The following BCCIP variants were observed in gnomAD, a reference collection of about 807,000 sequenced individuals.
The protein encoded by BCCIP is BRCA2 and CDKN1A-interacting protein.
In BCCIP, 23 loss-of-function variants were observed where a neutral mutation model predicts 32.8. That is an observed-to-expected ratio of 0.70 (90% confidence interval 0.51 to 0.99). The LOEUF is 0.99. BCCIP is among the 50% of genes least tolerant of loss of function. BCCIP has a pLI of 0.00. For missense variants in BCCIP, 378 were observed against 379.8 expected, an observed-to-expected ratio of 1.00 and a Z score of 0.04; for synonymous variants, 144 against 137.6, an observed-to-expected ratio of 1.05 and a Z score of -0.33.
intron 5 of BCCIP, among the ~76,000 whole-genome samples, chr10:125,833,516 ATC>A (rs1403803989): frequency 3.9e-5 from 6 of 152,334 alleles, no homozygotes; most frequent in Admixed American, 2.6e-4. Flanking sequence ...GACTCATCTG[ATC>A]TGTTAGTTGC....
chr10:125,834,439 A>G (rs574169376), intron 6 of BCCIP, among the ~76,000 whole-genome samples: 3 of 152,052 alleles, frequency 2.0e-5, no homozygotes, highest in Admixed American at 6.5e-5. Context: ...TTTTTTTCCT[A>G]TAAAGGTAGC....
intron 7 of BCCIP, among the ~76,000 whole-genome samples, chr10:125,849,938 A>G (rs1944068708): frequency 1.3e-5 from 2 of 152,022 alleles, no homozygotes; most frequent in Admixed American, 6.6e-5. Flanking sequence ...AAAGATCTGC[A>G]CCATCACAAC....
Position 125,833,954 on chromosome 10 carries a change from T to C in BCCIP, c.774+8T>C. On this transcript the variant is annotated splice_region_variant and intron_variant, in intron 6 of 6. Coordinates refer to ENST00000278100, the MANE Select transcript of BCCIP (RefSeq NM_078468.3). ...GAAGAATTTTTCTATGAGGTAAGAC[T>C]ATCCTGCTTATTTGTTTAGATGTAA... The C allele has an allele frequency of 6.2e-7, 1 of 1,612,194 alleles. No individual in the cohort carries two copies. The highest frequency in any genetic ancestry group is 1.3e-5 in the African/African-American group (1 of 74,898).
chr10:125,840,835 G>A (rs376643295), downstream of BCCIP: 15 of 1,562,652 alleles, frequency 9.6e-6, no homozygotes, highest in Non-Finnish European at 7.0e-6. Flanking sequence ...TAGTTTCTGA[G>A]CATTCACTTA....
At chr10:125,827,802 T>G (rs1854433478) in intron 3 of BCCIP, among the ~76,000 whole-genome samples, 164 bp downstream of exon 3, 1 of 151,896 alleles carries the variant, frequency 6.6e-6, no homozygotes, top group African/African-American at 2.4e-5. Context: ...ATACTCTGTC[T>G]CTACAAAAAA....
At chr10:125,832,204 A>ATT (rs538971759) in intron 5 of BCCIP, among the ~76,000 whole-genome samples, 6 of 145,060 alleles carry the variant, frequency 4.1e-5, no homozygotes, top group African/African-American at 7.5e-5. Context: ...TCTAATTTAA[A>ATT]TTTTTTTTTT....
At chr10:125,842,099 T>C in exon 7 of BCCIP, 1 of 932,536 alleles carries the variant, frequency 1.1e-6, no homozygotes, top group Non-Finnish European at 1.5e-6. Flanking sequence ...TAGTGATTCT[T>C]GAGAGGGCAA....
chr10:125,827,748 T>C, intron 3 of BCCIP, 110 bp downstream of exon 3: 1 of 772,806 alleles, frequency 1.3e-6, no homozygotes, highest in Non-Finnish European at 2.2e-6. Context: ...GGTGGGAGGA[T>C]TGCTTGAGGC....
chr10:125,852,374 C>A lies in BCCIP; in HGVS notation c.851-751C>A, dbSNP rs1246996311. 6.2e-7 allele frequency: 1 copy of A among 1,614,212 alleles called. No homozygotes were observed. The highest frequency in any genetic ancestry group is 1.7e-5 in the Admixed American group (1 of 60,024). Reference sequence around the variant, plus strand: ...AAAAGCACCATGCTTGTTAGGTTGGCTTCCTGCATTTCTGCTGGCTTCAGT... The same window carrying A: ...AAAAGCACCATGCTTGTTAGGTTGGATTCCTGCATTTCTGCTGGCTTCAGT... On this transcript the variant is annotated intron_variant, in intron 7 of 7. Coordinates refer to the BCCIP transcript ENST00000368759.
chr10:125,836,584 T>C, downstream of BCCIP: 2 of 1,442,936 alleles, frequency 1.4e-6, no homozygotes, highest in East Asian at 2.3e-5. Flanking sequence ...AAGACCGTCC[T>C]GTGGATGTGA....
chr10:125,825,666 T>A (rs1854373794), intron 1 of BCCIP: 1 of 152,238 alleles, frequency 6.6e-6, no homozygotes, highest in African/African-American at 2.4e-5. Flanking sequence ...TCCTCTGCGA[T>A]GTTCTTCAGC....
chr10:125,838,520 C>T (rs998407869), downstream of BCCIP: 1 of 845,722 alleles, frequency 1.2e-6, no homozygotes, highest in Non-Finnish European at 1.7e-6. Flanking sequence ...CTCATGTTTC[C>T]TACTTTCACA....
downstream of BCCIP, chr10:125,839,293 A>G: frequency 8.5e-7 from 1 of 1,177,916 alleles, no homozygotes; most frequent in Non-Finnish European, 1.2e-6. Flanking sequence ...CTCCTCTCCT[A>G]CAAAGGAGGC....
At chr10:125,837,650 CT>C (rs1854737485), downstream of BCCIP, among the ~76,000 whole-genome samples, 1 of 152,176 alleles carries the variant, frequency 6.6e-6, no homozygotes, top group African/African-American at 2.4e-5. Flanking sequence ...GTCTTGAACT[CT>C]TGGGCTCAAG....
downstream of BCCIP, chr10:125,840,955 C>A (rs78840782): frequency 5.6e-6 from 9 of 1,611,766 alleles, no homozygotes; most frequent in African/African-American, 9.3e-5. Flanking sequence ...GTCAAGGCAG[C>A]CTCTTCAGCT....
chr10:125,831,693 A>G, intron 5 of BCCIP, 86 bp downstream of exon 5: 1 of 1,330,848 alleles, frequency 7.5e-7, no homozygotes, highest in African/African-American at 1.5e-5. Context: ...ATATGTAGAT[A>G]TAGAAAGAGT....
chr10:125,832,549 T>G (rs1161003957), intron 5 of BCCIP, among the ~76,000 whole-genome samples: 2 of 152,152 alleles, frequency 1.3e-5, no homozygotes. Context: ...TTTTTGTTTT[T>G]TTTTGGTTTT....
At chr10:125,841,445 T>G, downstream of BCCIP, 1 of 1,550,070 alleles carries the variant, frequency 6.5e-7, no homozygotes, top group South Asian at 1.2e-5. Context: ...ACACCTCTAG[T>G]GACACATTTT....
downstream of BCCIP, chr10:125,838,423 A>G: frequency 6.6e-7 from 1 of 1,516,238 alleles, no homozygotes; most frequent in Non-Finnish European, 8.8e-7. Context: ...AAGATTTTGT[A>G]TTAATATGGA....
Sources: gnomAD v4.1 joint callset for allele counts (sites outside exome capture counted in the v4.1 genomes callset) on GRCh38, gnomAD v4.1.1 for gene constraint, MANE v1.5 for transcripts, NCBI Gene and HGNC (gene_info 2026-07-23, HGNC 2026-07-21) for gene names.